The following GTF2A1 variants were observed in gnomAD, a reference collection of about 807,000 sequenced individuals.
GTF2A1 encodes transcription initiation factor IIA subunit 1.
A neutral mutation model predicts 54.1 loss-of-function variants in GTF2A1; 12 were observed. That is an observed-to-expected ratio of 0.22 (90% CI 0.14 to 0.36). The LOEUF (loss-of-function observed/expected upper bound fraction) is 0.36, where lower values mean the gene tolerates loss of function less well. Ranked by LOEUF, GTF2A1 falls within the 10% of genes least tolerant of loss-of-function variation. The probability of loss-of-function intolerance (pLI) is 1.00; values close to 1 mark genes in which losing one functional copy is unlikely to be tolerated. For missense variants in GTF2A1, 335 were observed against 442.2 expected (o/e 0.76, Z 2.17); for synonymous variants, 145 against 152.0 (o/e 0.95, Z 0.34).
At chr14:81,194,251 C>T (rs1892942279) in intron 6 of GTF2A1, among the ~76,000 whole-genome samples, 1 of 152,210 alleles carries the variant, frequency 6.6e-6, no homozygotes, top group South Asian at 2.1e-4. Context: ...TTGTGCACTC[C>T]TTATGCCTGA....
At chr14:81,211,978 G>A (rs955182346) in intron 2 of GTF2A1, among the ~76,000 whole-genome samples, 1 of 149,124 alleles carries the variant, frequency 6.7e-6, no homozygotes, top group Admixed American at 6.7e-5. Context: ...ATCTGGCAAT[G>A]TCTAGAGACA....
In GTF2A1 at chr14:81,201,587, G is replaced by C; in HGVS notation, c.402+7C>G. On this transcript the variant is annotated splice_region_variant and intron_variant, in intron 4 of 8. Transcript: ENST00000553612. ...AGCCAATCAAACTGCTACATTCTGA[G>C]TCTTACCATGTTTGATGCATTCATA... 3 of 1,540,200 alleles carry C rather than the reference G, an allele frequency of 1.9e-6. No individual in the cohort carries two copies. The highest frequency in any genetic ancestry group is 2.7e-6 in the Non-Finnish European group (3 of 1,112,838).
intron 2 of GTF2A1, among the ~76,000 whole-genome samples, chr14:81,211,743 T>C (rs895159412): frequency 6.6e-6 from 1 of 151,780 alleles, no homozygotes; most frequent in Non-Finnish European, 1.5e-5. Context: ...TAAAATATAT[T>C]ACACTTCTAG....
chr14:81,182,418 G>C (rs1263832057), intron 8 of GTF2A1, among the ~76,000 whole-genome samples: 1 of 152,094 alleles, frequency 6.6e-6, no homozygotes, highest in Non-Finnish European at 1.5e-5. Flanking sequence ...CCTTCTTTCA[G>C]AATCCTCATC....
intron 5 of GTF2A1, among the ~76,000 whole-genome samples, chr14:81,196,950 T>C (rs1893005933): frequency 6.6e-6 from 1 of 152,184 alleles, no homozygotes; most frequent in South Asian, 2.1e-4. Flanking sequence ...TGTAAATAAA[T>C]TTTTCAAGCA....
chr14:81,176,323 AAT>A lies in GTF2A1; in HGVS notation c.*3898_*3899del, dbSNP rs1892527184. On this transcript the variant is annotated 3_prime_UTR_variant, in exon 9 of 9. Transcript: ENST00000553612. ...TGCAATGAATTTTACAAACATAATA[AAT>A]ATATTTACGCCATTACACATAACAG... The A allele has an allele frequency of 6.6e-6, 1 of 152,108 alleles. No homozygotes were observed. Among genetic ancestry groups the A allele is most frequent in the Non-Finnish European group, 1.5e-5 (1 of 67,980 alleles). 9.4% of individuals were successfully genotyped at this position (152,108 alleles called of 1,614,324 possible). A position where few individuals can be genotyped will look rare whatever the true frequency, so the allele number is the denominator to read the frequency against.
chr14:81,203,177 C>A (rs1364449011), intron 3 of GTF2A1, among the ~76,000 whole-genome samples: 1 of 152,162 alleles, frequency 6.6e-6, no homozygotes. Flanking sequence ...AGCTGTAAAA[C>A]TGAGCCAAGG....
At chr14:81,198,640 T>A (rs1306471849) in intron 4 of GTF2A1, among the ~76,000 whole-genome samples, 3 of 152,190 alleles carry the variant, frequency 2.0e-5, no homozygotes, top group African/African-American at 7.2e-5. Context: ...TTTTCCTGTA[T>A]CCCGCTATAG....
chr14:81,207,671 A>C (rs1014988152), intron 2 of GTF2A1, among the ~76,000 whole-genome samples: 1 of 152,192 alleles, frequency 6.6e-6, no homozygotes, highest in Non-Finnish European at 1.5e-5. Flanking sequence ...CTTCCTAGAG[A>C]CTTGTTGAAT....
chr14:81,215,755 G>A (rs1215884726), intron 2 of GTF2A1, among the ~76,000 whole-genome samples: 4 of 152,100 alleles, frequency 2.6e-5, no homozygotes, highest in Non-Finnish European at 5.9e-5. Context: ...TAAGATTAAG[G>A]CTGGGCGCTG....
intron 1 of GTF2A1, among the ~76,000 whole-genome samples, chr14:81,219,649 A>G (rs906575164): frequency 1.3e-5 from 2 of 152,234 alleles, no homozygotes; most frequent in African/African-American, 4.8e-5. Flanking sequence ...CATCATAAAA[A>G]TAAGAGTTGG....
At chr14:81,196,649 C>G (rs11850714) in intron 5 of GTF2A1, among the ~76,000 whole-genome samples, 60,065 of 151,990 alleles carry the variant, frequency 0.4, 14,052 homozygotes, top group Middle Eastern at 0.55. Context: ...ATATCTTGAA[C>G]CAAACAAAGC....
chr14:81,201,399 A>G (rs931719383), intron 4 of GTF2A1, among the ~76,000 whole-genome samples, 195 bp downstream of exon 4: 1 of 152,214 alleles, frequency 6.6e-6, no homozygotes, highest in African/African-American at 2.4e-5. Flanking sequence ...TTCTTAAACA[A>G]TTCCGTAATT....
chr14:81,197,069 C>T (rs1335869971), intron 5 of GTF2A1, among the ~76,000 whole-genome samples: 1 of 152,092 alleles, frequency 6.6e-6, no homozygotes, highest in Admixed American at 6.5e-5. Flanking sequence ...CTAGGAATTA[C>T]TTTGATATCA....
intron 2 of GTF2A1, among the ~76,000 whole-genome samples, chr14:81,205,339 T>C (rs750892389): frequency 1.8e-4 from 28 of 152,182 alleles, no homozygotes; most frequent in Non-Finnish European, 3.2e-4. Context: ...ATGATGCTAG[T>C]AACAGTTCCA....
chr14:81,203,039 T>G (rs1893148207), intron 3 of GTF2A1, among the ~76,000 whole-genome samples: 1 of 152,226 alleles, frequency 6.6e-6, no homozygotes, highest in Non-Finnish European at 1.5e-5. Flanking sequence ...TTACTTCTAG[T>G]GTCCTCTCCC....
At chr14:81,180,447 T>A (rs538469823) in intron 8 of GTF2A1, 117 bp from the exon 9 acceptor site, 44 of 585,244 alleles carry the variant, frequency 7.5e-5, no homozygotes, top group Non-Finnish European at 1.3e-4. Context: ...AAAACAGTAT[T>A]TACAGTATTG....
chr14:81,204,301 C>G (rs765804067), intron 2 of GTF2A1, 197 bp from the exon 3 acceptor site: 1 of 724,782 alleles, frequency 1.4e-6, no homozygotes, highest in African/African-American at 1.7e-5. Flanking sequence ...CTCATTTTTG[C>G]CACATCAGAG....
intron 7 of GTF2A1, among the ~76,000 whole-genome samples, chr14:81,187,896 T>C (rs190709851): frequency 6.6e-6 from 1 of 152,128 alleles, no homozygotes; most frequent in Non-Finnish European, 1.5e-5. Flanking sequence ...TTTTGAGGAC[T>C]ATCAAACTGT....
Sources: allele counts gnomAD v4.1 joint callset (sites outside exome capture counted in the v4.1 genomes callset), GRCh38; gene constraint gnomAD v4.1.1; transcripts MANE v1.5; gene names NCBI Gene and HGNC (gene_info 2026-07-23, HGNC 2026-07-21).